Variants in TBC1D22A observed in about 807,000 individuals in gnomAD.
TBC1D22A encodes the protein TBC1 domain family member 22A.
In TBC1D22A, 38 loss-of-function variants were observed where a neutral mutation model predicts 60.2. That is an observed-to-expected ratio of 0.63 (90% CI 0.49 to 0.83). TBC1D22A has a LOEUF of 0.83. Among genes scored for constraint, TBC1D22A ranks in the 40% least tolerant of loss-of-function variants. The pLI is 0.00. For synonymous variants in TBC1D22A, 302 were observed against 281.7 expected (o/e 1.07, Z -0.72); for missense variants, 628 against 701.0 (o/e 0.90, Z 1.18).
rs1483501392 is a variant in TBC1D22A, at chr22:46,921,598, G to A, written c.1015+9410G>A. Among the ~76,000 whole-genome samples the A allele has an allele frequency of 2.6e-5, 4 of 152,218 alleles. No individual in the cohort carries two copies. The East Asian group carries it at 7.7e-4, about 29-fold the overall frequency. On this transcript the variant is annotated intron_variant, in intron 8 of 12. Transcript: ENST00000337137. ...TACAGTGATTGATATTCCTTTGGGT[G>A]TATACCCAATAATGGGATTGCTGGG...
intron 4 of TBC1D22A, among the ~76,000 whole-genome samples, chr22:46,798,033 A>G (rs923748922): frequency 6.6e-6 from 1 of 151,944 alleles, no homozygotes; most frequent in Non-Finnish European, 1.5e-5. Context: ...CACCATGCTC[A>G]CCAGATTTTT....
At chr22:46,943,440 A>ATT (rs1480000396) in intron 8 of TBC1D22A, among the ~76,000 whole-genome samples, 1 of 152,212 alleles carries the variant, frequency 6.6e-6, no homozygotes, top group Admixed American at 6.5e-5. Flanking sequence ...TGAGGCTTTA[A>ATT]ACGTTCAACC....
chr22:47,144,678 A>ACG (rs2067226477), intron 12 of TBC1D22A, among the ~76,000 whole-genome samples: 1 of 152,080 alleles, frequency 6.6e-6, no homozygotes, highest in African/African-American at 2.4e-5. Context: ...TCACGGGTGC[A>ACG]GCCCGTGAAG....
chr22:47,117,954 C>T (rs1420551453), intron 12 of TBC1D22A, among the ~76,000 whole-genome samples: 1 of 152,060 alleles, frequency 6.6e-6, no homozygotes, highest in East Asian at 1.9e-4. Flanking sequence ...GAAACCTTGT[C>T]TCTACCAAAA....
chr22:46,891,231 T>C, intron 5 of TBC1D22A, 35 bp from the exon 6 acceptor site: 2 of 1,581,852 alleles, frequency 1.3e-6, no homozygotes, highest in Non-Finnish European at 8.6e-7. Flanking sequence ...GAATTAGCTA[T>C]AACCATGTAT....
intron 4 of TBC1D22A, among the ~76,000 whole-genome samples, chr22:46,825,029 A>T (rs180806107): frequency 6.6e-6 from 1 of 152,118 alleles, no homozygotes; most frequent in African/African-American, 2.4e-5. Context: ...CCTGCCCAGC[A>T]TTCTTTTTCA....
intron 4 of TBC1D22A, among the ~76,000 whole-genome samples, chr22:46,865,538 T>C (rs1264687712): frequency 3.9e-5 from 6 of 152,250 alleles, no homozygotes; most frequent in African/African-American, 7.2e-5. Flanking sequence ...CCTGATCTTA[T>C]GTGAAATCAC....
intron 11 of TBC1D22A, among the ~76,000 whole-genome samples, chr22:47,066,413 G>A (rs1440572710): frequency 6.6e-6 from 1 of 152,120 alleles, no homozygotes; most frequent in Non-Finnish European, 1.5e-5. Flanking sequence ...AGGGGAGGTC[G>A]GGAGGGAGGG....
At chr22:47,170,589 A>C (rs1023736621) in intron 12 of TBC1D22A, among the ~76,000 whole-genome samples, 2 of 152,248 alleles carry the variant, frequency 1.3e-5, no homozygotes, top group African/African-American at 2.4e-5. Context: ...ACTGCGAAAT[A>C]GCAATTGGAA....
chr22:47,039,935 CTTTTTTTTTTTTTTTT>C (rs570751261), intron 11 of TBC1D22A, among the ~76,000 whole-genome samples: 1 of 77,284 alleles, frequency 1.3e-5, no homozygotes, highest in Non-Finnish European at 2.3e-5. Flanking sequence ...GTGCCACAGC[CTTTTTTTTTTTTTTTT>C]TTTTTTTTTT....
At chr22:46,957,357 A>G (rs2073255096) in intron 8 of TBC1D22A, among the ~76,000 whole-genome samples, 1 of 152,234 alleles carries the variant, frequency 6.6e-6, no homozygotes, top group South Asian at 2.1e-4. Context: ...CTTAACAGGA[A>G]GCATGGCTGG....
chr22:46,891,350 T>TGG lies in TBC1D22A; in HGVS notation c.793_794insGG (p.Tyr265TrpfsTer19). On this transcript the variant is annotated frameshift_variant, in exon 6 of 13. Coordinates refer to ENST00000337137, the MANE Select transcript of TBC1D22A (RefSeq NM_014346.5). LOFTEE classifies it high-confidence loss of function. ...ATATTTTGCATTTATTGAGCACTAT[T>TGG]ACGATTCTAGGAACGACGAAGTTCA... 6.2e-7 allele frequency: 1 copy of TGG among 1,613,326 alleles called. No individual in the cohort carries two copies. Among genetic ancestry groups the TGG allele is most frequent in the East Asian group, 2.2e-5 (1 of 44,802 alleles).
chr22:46,814,292 C>T (rs942454598), intron 4 of TBC1D22A, among the ~76,000 whole-genome samples: 1 of 152,106 alleles, frequency 6.6e-6, no homozygotes, highest in Non-Finnish European at 1.5e-5. Flanking sequence ...TCACAGTAGT[C>T]CTGTGAAGTG....
Position 46,916,851 on chromosome 22 carries a change from G to C in TBC1D22A, c.1015+4663G>C, listed in dbSNP as rs576484639. 2.1e-4 allele frequency among the ~76,000 whole-genome samples: 32 copies of C among 152,322 alleles called. No individual in the cohort carries two copies. In the South Asian group the frequency reaches 4.8e-3, roughly 23 times the overall value. ...GGGAGAAAACTCTACAAGTGAAAAC[G>C]AAGTGAGAGGGTATAATGTGATGGG... On this transcript the variant is annotated intron_variant, in intron 8 of 12. Coordinates refer to ENST00000337137, the MANE Select transcript of TBC1D22A (RefSeq NM_014346.5).
chr22:46,978,734 G>A (rs1475668666), intron 9 of TBC1D22A, among the ~76,000 whole-genome samples: 3 of 151,792 alleles, frequency 2.0e-5, no homozygotes, highest in Admixed American at 1.3e-4. Flanking sequence ...TCAGCCTCCC[G>A]AGTAGCTGGA....
intron 8 of TBC1D22A, among the ~76,000 whole-genome samples, chr22:46,932,856 C>G (rs1453826119): frequency 6.6e-6 from 1 of 151,668 alleles, no homozygotes; most frequent in Non-Finnish European, 1.5e-5. Context: ...TCCTGATTAG[C>G]TGGGATTACA....
chr22:47,127,784 C>G (rs962639469), intron 12 of TBC1D22A, among the ~76,000 whole-genome samples: 1 of 151,928 alleles, frequency 6.6e-6, no homozygotes, highest in South Asian at 2.1e-4. Context: ...CATCAGGGCT[C>G]ACAGATGTGC....
At chr22:46,950,000 T>A (rs1430843341) in intron 8 of TBC1D22A, among the ~76,000 whole-genome samples, 3 of 152,188 alleles carry the variant, frequency 2.0e-5, no homozygotes, top group Non-Finnish European at 2.9e-5. Context: ...GGACATTGGT[T>A]AACGTGGGTT....
At chr22:46,951,081 G>T (rs980802604) in intron 8 of TBC1D22A, among the ~76,000 whole-genome samples, 2 of 152,184 alleles carry the variant, frequency 1.3e-5, no homozygotes, top group Non-Finnish European at 2.9e-5. Flanking sequence ...GTCCCTGTAC[G>T]TGGCATTGGG....
Sources: gnomAD v4.1 joint callset for allele counts (sites outside exome capture counted in the v4.1 genomes callset) on GRCh38, gnomAD v4.1.1 for gene constraint, MANE v1.5 for transcripts, NCBI Gene and HGNC (gene_info 2026-07-23, HGNC 2026-07-21) for gene names.